Variants in IL3RA observed in about 807,000 individuals in gnomAD.
The protein encoded by IL3RA is interleukin-3 receptor subunit alpha.
In IL3RA, 73 loss-of-function variants were observed where a neutral mutation model predicts 52.3. That is an observed-to-expected ratio of 1.40 (90% CI 1.16 to 1.70). The LOEUF (loss-of-function observed/expected upper bound fraction) is 1.70, where lower values mean the gene tolerates loss of function less well. IL3RA is among the 40% of genes most tolerant of loss of function. The pLI is 0.00. For missense variants in IL3RA, 664 were observed against 504.4 expected, an observed-to-expected ratio of 1.32 and a Z score of -3.03; for synonymous variants, 260 against 194.0, an observed-to-expected ratio of 1.34 and a Z score of -2.83.
intron 10 of IL3RA, among the ~76,000 whole-genome samples, chrX:1,380,681 A>AGGGAGGAAAAGG (rs2089136214): frequency 1.3e-5 from 1 of 76,168 alleles, no homozygotes; most frequent in South Asian, 5.8e-4. Flanking sequence ...GGGGTGGAGG[A>AGGGAGGAAAAGG]GGGAGGAAAA....
At chrX:1,344,452 A>G (rs2085638319) in intron 2 of IL3RA, among the ~76,000 whole-genome samples, 1 of 151,766 alleles carries the variant, frequency 6.6e-6, no homozygotes, top group African/African-American at 2.4e-5. Context: ...CAAGCAAACA[A>G]AAATACCCAT....
At position 1,377,667 on chromosome X, in the gene IL3RA, GTT is replaced by G. The variant is rs754580891; in HGVS notation, c.875-978_875-977del. On this transcript the variant is annotated intron_variant, in intron 9 of 11. Coordinates refer to ENST00000331035, the MANE Select transcript of IL3RA (RefSeq NM_002183.4). The stretch of plus-strand genomic sequence containing the variant: ...TCTGGGGGTGAGGTCATAGATGTAT[GTT>G]TTTTTTTTTTTTTGGAGAGAGAGTC... Among the ~76,000 whole-genome samples, 489 of 135,888 alleles carry G rather than the reference GTT, an allele frequency of 3.6e-3. 3 individuals carry two copies. Among genetic ancestry groups the G allele is most frequent in the African/African-American group, 0.012 (453 of 37,312 alleles). 89.1% of individuals were successfully genotyped at this position (135,888 alleles called of 152,430 possible).
At chrX:1,348,353 C>CAA (rs201265902) in intron 3 of IL3RA, 78 bp from the exon 4 acceptor site, 26 of 1,177,552 alleles carry the variant, frequency 2.2e-5, no homozygotes, top group Non-Finnish European at 3.3e-5. Context: ...AACTCTGCCT[C>CAA]AAAAAAAATC....
intron 11 of IL3RA, 120 bp from the exon 12 acceptor site, chrX:1,382,271 T>G: frequency 2.1e-6 from 2 of 935,376 alleles, no homozygotes; most frequent in South Asian, 1.4e-5. Flanking sequence ...ATGACAGGCG[T>G]GAGACACCAT....
intron 3 of IL3RA, among the ~76,000 whole-genome samples, chrX:1,347,614 T>C (rs1252283358): frequency 2.6e-5 from 4 of 151,412 alleles, no homozygotes; most frequent in Non-Finnish European, 5.9e-5. Context: ...AGTGAGGCCC[T>C]GTCTTAACAA....
chrX:1,350,891 A>ACAAACC (rs1296346096), intron 4 of IL3RA, among the ~76,000 whole-genome samples: 1 of 11,258 alleles, frequency 8.9e-5, no homozygotes, highest in African/African-American at 4.1e-4. Context: ...TCTGTCTTAA[A>ACAAACC]CACACACACA....
At chrX:1,343,278 C>G (rs139985359) in intron 2 of IL3RA, among the ~76,000 whole-genome samples, 1 of 151,988 alleles carries the variant, frequency 6.6e-6, no homozygotes, top group African/African-American at 2.4e-5. Flanking sequence ...GTCATTTCCT[C>G]AAGTTTTCTA....
At chrX:1,380,632 AG>A (rs2089130775) in intron 10 of IL3RA, among the ~76,000 whole-genome samples, 1 of 46,544 alleles carries the variant, frequency 2.1e-5, no homozygotes, top group African/African-American at 8.6e-5. Context: ...AGGGGGAAGG[AG>A]GGAGAGGGGG....
rs766627271 is a variant in IL3RA at position 1,352,066 on chromosome X, C to T, written c.299-34C>T. 39 of 1,610,022 alleles carry T rather than the reference C, an allele frequency of 2.4e-5. No homozygotes were observed. In the East Asian group the frequency reaches 4.5e-4, roughly 18 times the overall value. On this transcript the variant is annotated intron_variant, in intron 4 of 11. Transcript: ENST00000331035. ...AGGCGTGAGCCACCGCGCCCGGTCC[C>T]GATTCGAGTTCTCTTTCATGTTTGT...
chrX:1,348,299 G>A (rs1384399856), intron 3 of IL3RA, 132 bp from the exon 4 acceptor site: 9 of 725,942 alleles, frequency 1.2e-5, no homozygotes, highest in East Asian at 1.0e-4. Flanking sequence ...GCTGCAGTGA[G>A]CCGAGATCAC....
At chrX:1,380,080 G>A (rs2089069732) in intron 10 of IL3RA, among the ~76,000 whole-genome samples, 1 of 151,662 alleles carries the variant, frequency 6.6e-6, no homozygotes, top group African/African-American at 2.4e-5. Context: ...TTTCAGTAGA[G>A]ACGGAGTTTC....
At chrX:1,355,418 G>T (rs1603444994) in intron 6 of IL3RA, among the ~76,000 whole-genome samples, 1 of 124,278 alleles carries the variant, frequency 8.0e-6, no homozygotes. Context: ...AGCGGAGGGG[G>T]AGGAGGGGAG....
chrX:1,378,478 TGCAGGTGGCCC>T (rs1220895454), intron 9 of IL3RA, among the ~76,000 whole-genome samples, 170 bp from the exon 10 acceptor site: 155 of 152,306 alleles, frequency 1.0e-3, no homozygotes, highest in Non-Finnish European at 1.4e-3. Flanking sequence ...TCAGGTGGCC[TGCAGGTGGCCC>T]GCAGGTGGTC....
intron 9 of IL3RA, among the ~76,000 whole-genome samples, chrX:1,373,335 TGAG>T (rs1211678752): frequency 1.2e-3 from 4 of 3,218 alleles, no homozygotes; most frequent in Non-Finnish European, 9.6e-4. Context: ...GAAGAGGACA[TGAG>T]GACACAGACA....
At chrX:1,338,738 A>G (rs2085386979) in intron 1 of IL3RA, among the ~76,000 whole-genome samples, 2 of 152,164 alleles carry the variant, frequency 1.3e-5, no homozygotes, top group Non-Finnish European at 2.9e-5. Context: ...GGGAAGAGGA[A>G]GGACGGGTCT....
At chrX:1,382,353 G>A (rs2089223587) in intron 11 of IL3RA, 38 bp from the exon 12 acceptor site, 1 of 1,520,544 alleles carries the variant, frequency 6.6e-7, no homozygotes, top group South Asian at 1.1e-5. Context: ...GTTATCTGGG[G>A]GGTGGCCGAC....
intron 7 of IL3RA, among the ~76,000 whole-genome samples, chrX:1,357,255 A>G (rs1389661331): frequency 6.7e-6 from 1 of 150,178 alleles, no homozygotes; most frequent in African/African-American, 2.4e-5. Context: ...TGCGCAGCCT[A>G]TGTGTTATAT....
intron 10 of IL3RA, 152 bp downstream of exon 10, chrX:1,378,916 C>A: frequency 2.7e-6 from 2 of 743,708 alleles, no homozygotes; most frequent in Non-Finnish European, 4.5e-6. Flanking sequence ...GATCTGGGCT[C>A]ACTGCAGCCT....
chrX:1,341,418 G>C (rs1217945435), intron 1 of IL3RA, among the ~76,000 whole-genome samples: 4 of 152,136 alleles, frequency 2.6e-5, no homozygotes, highest in Non-Finnish European at 4.4e-5. Flanking sequence ...CAGTACCCGT[G>C]TGTGCACAGG....
Sources: gnomAD v4.1 joint callset for allele counts (sites outside exome capture counted in the v4.1 genomes callset) on GRCh38, gnomAD v4.1.1 for gene constraint, MANE v1.5 for transcripts, NCBI Gene and HGNC (gene_info 2026-07-23, HGNC 2026-07-21) for gene names.